Variants in ASIC2 observed in about 807,000 individuals in gnomAD.
The protein encoded by ASIC2 is acid-sensing ion channel 2.
In ASIC2, 25 loss-of-function variants were observed where a neutral mutation model predicts 57.3. The observed-to-expected ratio is 0.44, with a 90% CI of 0.32 to 0.61. The LOEUF (loss-of-function observed/expected upper bound fraction) is 0.61, where lower values mean the gene tolerates loss of function less well. Among genes scored for constraint, ASIC2 ranks in the 20% least tolerant of loss-of-function variants. The pLI, the probability that ASIC2 is intolerant of heterozygous loss-of-function variation, is 0.06. For missense variants in ASIC2, 641 were observed against 738.1 expected, an observed-to-expected ratio of 0.87 and a Z score of 1.52; for synonymous variants, 319 against 307.5, an observed-to-expected ratio of 1.04 and a Z score of -0.39.
chr17:33,799,398 C>CT (rs1351721724), intron 1 of ASIC2, among the ~76,000 whole-genome samples: 2,819 of 49,358 alleles, frequency 0.057, 191 homozygotes, highest in African/African-American at 0.15. Context: ...TTCTTTCTTT[C>CT]TTTCTTTTCT....
At chr17:33,363,103 G>A (rs1372895527) in intron 1 of ASIC2, among the ~76,000 whole-genome samples, 8 of 152,108 alleles carry the variant, frequency 5.3e-5, no homozygotes, top group Non-Finnish European at 1.5e-5. Flanking sequence ...AGGAAGAAAT[G>A]CCCAGAAAGT....
At chr17:33,856,530 AGTGGT>A (rs1913953512) in intron 1 of ASIC2, among the ~76,000 whole-genome samples, 2 of 151,248 alleles carry the variant, frequency 1.3e-5, no homozygotes, top group African/African-American at 4.9e-5. Context: ...TGGTAGTAGT[AGTGGT>A]AGTAGTGGCA....
chr17:33,046,202 AG>A (rs2064099326), intron 3 of ASIC2, among the ~76,000 whole-genome samples: 2 of 152,170 alleles, frequency 1.3e-5, no homozygotes, highest in Admixed American at 1.3e-4. Flanking sequence ...ATGAGTGACA[AG>A]GGCAGGGGAT....
intron 1 of ASIC2, among the ~76,000 whole-genome samples, chr17:33,873,700 T>C (rs1163724668): frequency 6.6e-6 from 1 of 152,180 alleles, no homozygotes; most frequent in African/African-American, 2.4e-5. Context: ...CTTTCAAAAC[T>C]CAGGCAGAAG....
At chr17:33,288,017 G>T (rs544904917) in intron 1 of ASIC2, among the ~76,000 whole-genome samples, 19 of 152,160 alleles carry the variant, frequency 1.2e-4, no homozygotes, top group Non-Finnish European at 2.5e-4. Context: ...GTACCTGATG[G>T]AGGTATGCAT....
chr17:33,573,129 T>C (rs768986204), intron 1 of ASIC2, among the ~76,000 whole-genome samples: 4 of 152,206 alleles, frequency 2.6e-5, no homozygotes, highest in African/African-American at 4.8e-5. Context: ...ATGGGCTTCA[T>C]GGTACACGTT....
chr17:33,252,758 A>G (rs945464804), intron 1 of ASIC2, among the ~76,000 whole-genome samples: 4 of 152,042 alleles, frequency 2.6e-5, no homozygotes, highest in African/African-American at 9.7e-5. Context: ...GCCTTTGCCC[A>G]GCATCTTTGG....
At chr17:33,318,922 G>C (rs542791534) in intron 1 of ASIC2, among the ~76,000 whole-genome samples, 1 of 152,328 alleles carries the variant, frequency 6.6e-6, no homozygotes, top group East Asian at 1.9e-4. Flanking sequence ...TGGTCACCAG[G>C]AGCAAAACTG....
intron 1 of ASIC2, among the ~76,000 whole-genome samples, chr17:33,973,726 G>A (rs778759057): frequency 2.0e-5 from 3 of 152,114 alleles, no homozygotes; most frequent in Non-Finnish European, 4.4e-5. Flanking sequence ...ACAGCCCATC[G>A]TTTACACACA....
At chr17:33,433,038 A>G (rs1467457260) in intron 1 of ASIC2, among the ~76,000 whole-genome samples, 1 of 152,206 alleles carries the variant, frequency 6.6e-6, no homozygotes, top group Non-Finnish European at 1.5e-5. Context: ...TCAACCCAGC[A>G]ATCCCATTAC....
chr17:33,673,709 T>C (rs1907713820), intron 1 of ASIC2, among the ~76,000 whole-genome samples: 1 of 152,162 alleles, frequency 6.6e-6, no homozygotes. Context: ...GGGAGAAACA[T>C]GGGTCCTGGC....
intron 1 of ASIC2, among the ~76,000 whole-genome samples, chr17:33,316,893 T>C (rs1326016042): frequency 2.6e-5 from 4 of 152,216 alleles, no homozygotes; most frequent in Non-Finnish European, 5.9e-5. Context: ...TTGTGTGCAC[T>C]TAATTCACCC....
intron 1 of ASIC2, among the ~76,000 whole-genome samples, chr17:33,527,200 C>G (rs762156819): frequency 6.6e-6 from 1 of 152,106 alleles, no homozygotes; most frequent in Non-Finnish European, 1.5e-5. Flanking sequence ...AGGAGATGGA[C>G]AGTAGGGTGC....
At chr17:33,452,710 G>C (rs1912296870) in intron 1 of ASIC2, among the ~76,000 whole-genome samples, 1 of 148,546 alleles carries the variant, frequency 6.7e-6, no homozygotes, top group African/African-American at 2.5e-5. Context: ...TCTAAAGATT[G>C]ATGTTTTCTT....
chr17:33,053,243 C>T (rs920263652), intron 3 of ASIC2, among the ~76,000 whole-genome samples: 14 of 152,128 alleles, frequency 9.2e-5, no homozygotes, highest in African/African-American at 2.7e-4. Context: ...CCCAGGCGGC[C>T]GTCTGTTCTG....
intron 6 of ASIC2, 48 bp downstream of exon 6, chr17:33,023,813 C>T (rs2091848592): frequency 2.5e-6 from 4 of 1,609,796 alleles, no homozygotes; most frequent in African/African-American, 2.7e-5. Context: ...CAATTTCCTC[C>T]TTATCCAGTT....
chr17:33,673,629 C>T (rs543378055), intron 1 of ASIC2, among the ~76,000 whole-genome samples: 13 of 152,066 alleles, frequency 8.5e-5, no homozygotes, highest in Non-Finnish European at 1.9e-4. Context: ...CCTCTGTGTC[C>T]CTTTCATTTT....
At chr17:33,798,096 G>A (rs1279521444) in intron 1 of ASIC2, among the ~76,000 whole-genome samples, 1 of 152,110 alleles carries the variant, frequency 6.6e-6, no homozygotes, top group African/African-American at 2.4e-5. Context: ...CAGTGCCGGA[G>A]GGAAGAAAAT....
chr17:34,030,792 G>T (rs1197894668), intron 1 of ASIC2, among the ~76,000 whole-genome samples: 1 of 152,220 alleles, frequency 6.6e-6, no homozygotes, highest in African/African-American at 2.4e-5. Flanking sequence ...CTGCAAGGCA[G>T]CAGAGAGGCT....
Sources: allele counts gnomAD v4.1 joint callset (sites outside exome capture counted in the v4.1 genomes callset), GRCh38; gene constraint gnomAD v4.1.1; transcripts MANE v1.5; gene names NCBI Gene and HGNC (gene_info 2026-07-23, HGNC 2026-07-21).